Variants in BFSP2 observed in about 807,000 individuals in gnomAD.
The protein encoded by BFSP2 is phakinin.
Under a neutral mutation model 44.9 loss-of-function variants are expected in BFSP2, and 38 were observed. That is an observed-to-expected ratio of 0.85 (90% CI 0.65 to 1.11). The LOEUF is 1.11. BFSP2 is among the 50% of genes least tolerant of loss of function. The pLI is 0.00. For missense variants in BFSP2, 525 were observed against 533.0 expected (o/e 0.99, Z 0.15); for synonymous variants, 197 against 209.9 (o/e 0.94, Z 0.53).
intron 1 of BFSP2, among the ~76,000 whole-genome samples, chr3:133,420,196 A>G (rs2073580256): frequency 6.6e-6 from 1 of 152,154 alleles, no homozygotes; most frequent in Non-Finnish European, 1.5e-5. Context: ...CATCTCAGGA[A>G]AAGGGAGTTG....
intron 4 of BFSP2, among the ~76,000 whole-genome samples, chr3:133,458,840 C>T (rs115668080): frequency 0.018 from 2,760 of 152,240 alleles, 37 homozygotes; most frequent in Middle Eastern, 0.068. Flanking sequence ...AACATTGCAA[C>T]CTCTTTCTTA....
At chr3:133,449,982 A>AAGGAAGGAAGGAAGG (rs1212404887) in intron 3 of BFSP2, among the ~76,000 whole-genome samples, 30 of 86,384 alleles carry the variant, frequency 3.5e-4, no homozygotes, top group East Asian at 7.2e-4. Flanking sequence ...GGAAAGAAGG[A>AAGGAAGGAAGGAAGG]AAGGAAGGAA....
chr3:133,434,925 C>T (rs569004662), intron 1 of BFSP2, among the ~76,000 whole-genome samples: 285 of 152,166 alleles, frequency 1.9e-3, no homozygotes, highest in African/African-American at 6.7e-3. Flanking sequence ...GTGAAATAAA[C>T]AGCTCCATCA....
At chr3:133,453,443 T>A (rs771204792) in intron 4 of BFSP2, among the ~76,000 whole-genome samples, 11 of 152,206 alleles carry the variant, frequency 7.2e-5, no homozygotes, top group Non-Finnish European at 1.3e-4. Context: ...ATATTGGAGT[T>A]AAGGTAGTTT....
chr3:133,472,684 T>G, intron 6 of BFSP2, 119 bp downstream of exon 6: 1 of 1,213,836 alleles, frequency 8.2e-7, no homozygotes, highest in Non-Finnish European at 1.2e-6. Context: ...TCCTCTCACA[T>G]AGGCACCCAT....
At chr3:133,459,559 T>A (rs1337201470) in intron 4 of BFSP2, among the ~76,000 whole-genome samples, 1 of 152,192 alleles carries the variant, frequency 6.6e-6, no homozygotes, top group East Asian at 1.9e-4. Flanking sequence ...GGGCAGTTCT[T>A]GTGTAAACTC....
At chr3:133,406,371 C>G (rs76621320) in intron 1 of BFSP2, among the ~76,000 whole-genome samples, 5,229 of 152,272 alleles carry the variant, frequency 0.034, 112 homozygotes, top group Non-Finnish European at 0.049. Flanking sequence ...CTCAGGGCCT[C>G]TTTCCATGCC....
At chr3:133,418,083 C>A (rs1221292243) in intron 1 of BFSP2, among the ~76,000 whole-genome samples, 9 of 121,068 alleles carry the variant, frequency 7.4e-5, no homozygotes, top group Non-Finnish European at 1.2e-4. Context: ...GTCCCCCATG[C>A]CCTCTCGCCT....
intron 1 of BFSP2, among the ~76,000 whole-genome samples, chr3:133,416,673 CTTGCCCTCTCCCCTCTA>C (rs2073534585): frequency 6.9e-6 from 1 of 144,834 alleles, no homozygotes. Flanking sequence ...TCTACTCACC[CTTGCCCTCTCCCCTCTA>C]CTGACCCCTC....
chr3:133,410,941 T>G (rs773693251), intron 1 of BFSP2: 1 of 152,610 alleles, frequency 6.6e-6, no homozygotes, highest in African/African-American at 2.4e-5. Context: ...TAGTAAAGAA[T>G]GTAAAAGTTT....
chr3:133,457,470 T>G (rs2074022473), intron 4 of BFSP2, among the ~76,000 whole-genome samples: 1 of 152,212 alleles, frequency 6.6e-6, no homozygotes, highest in African/African-American at 2.4e-5. Flanking sequence ...CTAGCTACCG[T>G]TTTTTTCTAT....
At chr3:133,473,571 AGGTCTCT>A (rs2074187074) in intron 6 of BFSP2, among the ~76,000 whole-genome samples, 1 of 151,274 alleles carries the variant, frequency 6.6e-6, no homozygotes, top group Admixed American at 6.6e-5. Context: ...AAGTGAACAA[AGGTCTCT>A]GGTTTTCCTA....
chr3:133,405,918 G>A lies in BFSP2; in HGVS notation c.489+5346G>A, dbSNP rs554376383. On this transcript the variant is annotated intron_variant, in intron 1 of 6. Coordinates refer to ENST00000302334, the MANE Select transcript of BFSP2 (RefSeq NM_003571.4). Reference sequence around the variant, plus strand: ...CATGAGCCTGCTTCCCAAGGGTCTTGTTCATATAATACAGGTGGCCACTAA... The same window carrying A: ...CATGAGCCTGCTTCCCAAGGGTCTTATTCATATAATACAGGTGGCCACTAA... Among the ~76,000 whole-genome samples, 55 of 152,128 alleles carry A rather than the reference G, an allele frequency of 3.6e-4. 2 individuals carry two copies. The highest frequency in any genetic ancestry group is 4.3e-4 in the Non-Finnish European group (29 of 68,012).
intron 1 of BFSP2, chr3:133,404,892 G>GGACA: frequency 6.6e-6 from 1 of 152,098 alleles, no homozygotes; most frequent in East Asian, 1.9e-4. Flanking sequence ...TGGTGAAAAC[G>GGACA]GACAGAAAAA....
chr3:133,424,217 T>TGTGTGTGTGTGTGTGTGTGTGTGTG (rs879790985), intron 1 of BFSP2, among the ~76,000 whole-genome samples: 1 of 99,190 alleles, frequency 1.0e-5, no homozygotes, highest in African/African-American at 4.8e-5. Flanking sequence ...AGCTAATTTT[T>TGTGTGTGTGTGTGTGTGTGTGTGTG]TTTTTTTTTT....
chr3:133,429,094 G>C (rs111523117), intron 1 of BFSP2, among the ~76,000 whole-genome samples: 1 of 151,934 alleles, frequency 6.6e-6, no homozygotes, highest in East Asian at 1.9e-4. Context: ...ACTCTGTCCT[G>C]ATTGAATTCC....
chr3:133,421,275 G>A (rs1322217425), intron 1 of BFSP2, among the ~76,000 whole-genome samples: 1 of 152,180 alleles, frequency 6.6e-6, no homozygotes, highest in African/African-American at 2.4e-5. Flanking sequence ...ATTACAAACT[G>A]GGTGGCTTAA....
chr3:133,438,897 A>C (rs1447153934), intron 1 of BFSP2, among the ~76,000 whole-genome samples: 1 of 152,188 alleles, frequency 6.6e-6, no homozygotes, highest in Non-Finnish European at 1.5e-5. Flanking sequence ...CTTTATATAT[A>C]GTTATACATA....
At chr3:133,466,165 C>A (rs2074107223) in intron 4 of BFSP2, among the ~76,000 whole-genome samples, 2 of 113,972 alleles carry the variant, frequency 1.8e-5, no homozygotes, top group South Asian at 8.7e-4. Context: ...AGTACCAAAG[C>A]ACGGGGGGGG....
Sources: gnomAD v4.1 joint callset for allele counts (sites outside exome capture counted in the v4.1 genomes callset) on GRCh38, gnomAD v4.1.1 for gene constraint, MANE v1.5 for transcripts, NCBI Gene and HGNC (gene_info 2026-07-23, HGNC 2026-07-21) for gene names.